PPARGC1A: variants seen among roughly 807,000 people sequenced by gnomAD.
The protein encoded by PPARGC1A is peroxisome proliferator-activated receptor gamma coactivator 1-alpha.
A neutral mutation model predicts 88.7 loss-of-function variants in PPARGC1A; 25 were observed. That is an observed-to-expected ratio of 0.28 (90% CI 0.21 to 0.39). The LOEUF (loss-of-function observed/expected upper bound fraction) is 0.39, where lower values mean the gene tolerates loss of function less well. Ranked by LOEUF, PPARGC1A falls within the 10% of genes least tolerant of loss-of-function variation. PPARGC1A has a pLI of 1.00. For missense variants in PPARGC1A, 880 were observed against 968.7 expected, an observed-to-expected ratio of 0.91 and a Z score of 1.22; for synonymous variants, 363 against 355.6, an observed-to-expected ratio of 1.02 and a Z score of -0.24.
chr4:24,291,784 G>C, the PPARGC1A span, among the ~76,000 whole-genome samples: 1 of 152,120 alleles, frequency 6.6e-6, no homozygotes, highest in Non-Finnish European at 1.5e-5. Flanking sequence ...GAGAAAAAGA[G>C]CAAGAAGAAA....
the PPARGC1A span, among the ~76,000 whole-genome samples, chr4:24,016,825 C>A: frequency 1.1e-4 from 16 of 152,260 alleles, no homozygotes; most frequent in Middle Eastern, 6.8e-3. Flanking sequence ...ATGGTTGACT[C>A]AGATATCAAT....
At chr4:24,374,145 A>C in the PPARGC1A span, among the ~76,000 whole-genome samples, 1 of 152,224 alleles carries the variant, frequency 6.6e-6, no homozygotes, top group Non-Finnish European at 1.5e-5. Context: ...TGTGGCCAAA[A>C]GATGATGGTT....
the PPARGC1A span, among the ~76,000 whole-genome samples, chr4:24,152,290 G>C: frequency 6.6e-6 from 1 of 152,092 alleles, no homozygotes; most frequent in Non-Finnish European, 1.5e-5. Context: ...TTCTTGCATG[G>C]CATTAAAATC....
chr4:23,908,131 T>A (rs1353007402), upstream of PPARGC1A, among the ~76,000 whole-genome samples: 1 of 152,244 alleles, frequency 6.6e-6, no homozygotes. Flanking sequence ...AAAGGTACAG[T>A]GCACATTGCC....
the PPARGC1A span, among the ~76,000 whole-genome samples, chr4:24,368,852 G>A: frequency 6.6e-6 from 1 of 152,170 alleles, no homozygotes; most frequent in Non-Finnish European, 1.5e-5. Flanking sequence ...GAGTGAACGG[G>A]AGGGAGATGG....
At chr4:24,206,763 C>T in the PPARGC1A span, among the ~76,000 whole-genome samples, 5,215 of 144,850 alleles carry the variant, frequency 0.036, 163 homozygotes, top group African/African-American at 0.078. Flanking sequence ...TCTCTTGAAC[C>T]TGGGAGGTGG....
chr4:24,117,988 A>G, the PPARGC1A span, among the ~76,000 whole-genome samples: 1 of 152,150 alleles, frequency 6.6e-6, no homozygotes, highest in African/African-American at 2.4e-5. Context: ...GACAAGAGCA[A>G]CAGCTGTGTT....
chr4:24,086,866 CT>C, the PPARGC1A span, among the ~76,000 whole-genome samples: 1 of 152,156 alleles, frequency 6.6e-6, no homozygotes, highest in Non-Finnish European at 1.5e-5. Flanking sequence ...CATAAAGACG[CT>C]ACTATAATTA....
At chr4:23,907,872 A>G (rs1299082375), upstream of PPARGC1A, among the ~76,000 whole-genome samples, 1 of 152,192 alleles carries the variant, frequency 6.6e-6, no homozygotes, top group African/African-American at 2.4e-5. Context: ...GGACTCAGGA[A>G]TGCACAAACA....
At chr4:23,983,115 A>C in the PPARGC1A span, among the ~76,000 whole-genome samples, 1 of 152,112 alleles carries the variant, frequency 6.6e-6, no homozygotes, top group Non-Finnish European at 1.5e-5. Context: ...TTGACCTATA[A>C]AATCAAACAA....
the PPARGC1A span, among the ~76,000 whole-genome samples, chr4:24,436,299 A>G: frequency 1.3e-5 from 2 of 152,398 alleles, no homozygotes; most frequent in African/African-American, 4.8e-5. Context: ...AAATAAAGAC[A>G]GGATGGGTGT....
the PPARGC1A span, among the ~76,000 whole-genome samples, chr4:24,014,787 AC>A: frequency 6.6e-6 from 1 of 152,032 alleles, no homozygotes; most frequent in Non-Finnish European, 1.5e-5. Context: ...ACTCAGACCC[AC>A]CCAGGATTAC....
At chr4:24,114,851 G>T in the PPARGC1A span, among the ~76,000 whole-genome samples, 1 of 152,164 alleles carries the variant, frequency 6.6e-6, no homozygotes, top group African/African-American at 2.4e-5. Flanking sequence ...TGGGTAAATA[G>T]AAATTCCTTA....
At chr4:24,221,241 A>G in the PPARGC1A span, among the ~76,000 whole-genome samples, 3 of 152,294 alleles carry the variant, frequency 2.0e-5, no homozygotes, top group South Asian at 4.1e-4. Context: ...ACTATATTTT[A>G]TTACATATAT....
the PPARGC1A span, among the ~76,000 whole-genome samples, chr4:24,130,003 T>G: frequency 6.6e-6 from 1 of 151,008 alleles, no homozygotes. Context: ...TGTTGAGGGG[T>G]GGGGGGACCG....
chr4:24,150,896 G>T, the PPARGC1A span, among the ~76,000 whole-genome samples: 9 of 152,192 alleles, frequency 5.9e-5, no homozygotes, highest in East Asian at 1.5e-3. Context: ...CTAATATTCT[G>T]CTGCCTCCCT....
chr4:24,258,720 G>A, the PPARGC1A span, among the ~76,000 whole-genome samples: 39 of 152,264 alleles, frequency 2.6e-4, no homozygotes, highest in Non-Finnish European at 5.0e-4. Flanking sequence ...TTCAGCATAT[G>A]GACTTGTCTT....
chr4:24,405,604 G>C, the PPARGC1A span, among the ~76,000 whole-genome samples: 1 of 152,150 alleles, frequency 6.6e-6, no homozygotes, highest in Non-Finnish European at 1.5e-5. Context: ...ATACAAGCAT[G>C]AGGTAGAAAC....
At chr4:23,924,353 C>T in the PPARGC1A span, among the ~76,000 whole-genome samples, 1 of 152,174 alleles carries the variant, frequency 6.6e-6, no homozygotes, top group Admixed American at 6.5e-5. Context: ...CTAGGCCAGG[C>T]GTGGTGCCTC....
Sources: gnomAD v4.1 joint callset for allele counts (sites outside exome capture counted in the v4.1 genomes callset) on GRCh38, gnomAD v4.1.1 for gene constraint, MANE v1.5 for transcripts, NCBI Gene and HGNC (gene_info 2026-07-23, HGNC 2026-07-21) for gene names.